OSBP2: variants seen among roughly 807,000 people sequenced by gnomAD.
The protein encoded by OSBP2 is oxysterol-binding protein 2.
Under a neutral mutation model 96.0 loss-of-function variants are expected in OSBP2, and 66 were observed. The ratio of observed to expected loss-of-function variants is 0.69; its 90% confidence interval spans 0.56 to 0.84. The LOEUF (loss-of-function observed/expected upper bound fraction) is 0.84. OSBP2 is among the 40% of genes least tolerant of loss of function. The pLI, the probability that OSBP2 is intolerant of heterozygous loss-of-function variation, is 0.00. For synonymous variants in OSBP2, 525 were observed against 520.9 expected, an observed-to-expected ratio of 1.01 and a Z score of -0.11; for missense variants, 1,038 against 1,222.7, an observed-to-expected ratio of 0.85 and a Z score of 2.25.
intron 1 of OSBP2, among the ~76,000 whole-genome samples, chr22:30,701,973 G>A (rs574075205): frequency 6.6e-6 from 1 of 152,176 alleles, no homozygotes; most frequent in Non-Finnish European, 1.5e-5. Flanking sequence ...GAGGAGCACA[G>A]TGCACACCAA....
At chr22:30,711,739 CAAAAA>C (rs34152986) in intron 1 of OSBP2, among the ~76,000 whole-genome samples, 5 of 91,844 alleles carry the variant, frequency 5.4e-5, no homozygotes, top group Non-Finnish European at 4.2e-5. Flanking sequence ...GACCCTATCT[CAAAAA>C]AAAAAAAAAA....
chr22:30,841,240 G>C (rs1222842120), intron 2 of OSBP2, among the ~76,000 whole-genome samples: 4 of 152,040 alleles, frequency 2.6e-5, no homozygotes, highest in Non-Finnish European at 4.4e-5. Context: ...ACAAGGCTAG[G>C]CAAACCATCG....
intron 2 of OSBP2, among the ~76,000 whole-genome samples, chr22:30,749,756 C>T (rs1242378369): frequency 6.6e-6 from 1 of 152,108 alleles, no homozygotes; most frequent in African/African-American, 2.4e-5. Context: ...TACAGGCATG[C>T]GCCACCATGC....
At chr22:30,885,959 G>A (rs1477073675) in intron 3 of OSBP2, among the ~76,000 whole-genome samples, 1 of 152,230 alleles carries the variant, frequency 6.6e-6, no homozygotes, top group African/African-American at 2.4e-5. Context: ...GGCCAAAGGG[G>A]GCAGTAAGCA....
chr22:30,893,379 G>A, intron 9 of OSBP2, 84 bp from the exon 10 acceptor site: 1 of 1,543,558 alleles, frequency 6.5e-7, no homozygotes, highest in South Asian at 1.1e-5. Context: ...CCCCAGCCTA[G>A]TTCTCAAGAC....
intron 2 of OSBP2, among the ~76,000 whole-genome samples, chr22:30,843,879 T>TA (rs1475543547): frequency 2.0e-5 from 3 of 151,548 alleles, no homozygotes; most frequent in Non-Finnish European, 2.9e-5. Flanking sequence ...AACAATTTTT[T>TA]TTTTTTTTTT....
chr22:30,730,756 CTCTCTCTCTCTCTCTCTCTA>C (rs1569100246), intron 1 of OSBP2, among the ~76,000 whole-genome samples: 42 of 44,888 alleles, frequency 9.4e-4, no homozygotes, highest in South Asian at 4.4e-3. Flanking sequence ...CTCTCTCTCT[CTCTCTCTCTCTCTCTCTCTA>C]TATATATATA....
chr22:30,854,640 GA>G (rs34856752), intron 2 of OSBP2, among the ~76,000 whole-genome samples: 64,610 of 134,710 alleles, frequency 0.48, 16,245 homozygotes, highest in African/African-American at 0.71. Context: ...CATTTAAAGT[GA>G]AAAAAAAAAA....
At chr22:30,898,847 G>A (rs1043726948) in intron 12 of OSBP2, among the ~76,000 whole-genome samples, 3 of 143,734 alleles carry the variant, frequency 2.1e-5, no homozygotes, top group Non-Finnish European at 3.0e-5. Flanking sequence ...AATATGGCAA[G>A]ATATCATCTT....
chr22:30,728,520 A>G (rs138488722), intron 1 of OSBP2, among the ~76,000 whole-genome samples: 1 of 152,188 alleles, frequency 6.6e-6, no homozygotes, highest in Non-Finnish European at 1.5e-5. Context: ...TTGTAGAGAC[A>G]GGGTCTAGCT....
chr22:30,867,133 G>A (rs1259457757), intron 2 of OSBP2, among the ~76,000 whole-genome samples: 1 of 152,178 alleles, frequency 6.6e-6, no homozygotes, highest in African/African-American at 2.4e-5. Context: ...CACCATCAGT[G>A]TGCCTGGGCT....
intron 1 of OSBP2, among the ~76,000 whole-genome samples, chr22:30,711,671 C>T (rs1184705170): frequency 7.0e-6 from 1 of 143,378 alleles, no homozygotes; most frequent in African/African-American, 2.6e-5. Flanking sequence ...GCCTGGGAGG[C>T]AGAAGTTGCA....
intron 2 of OSBP2, among the ~76,000 whole-genome samples, chr22:30,742,510 C>T (rs79509101): frequency 2.6e-5 from 4 of 152,302 alleles, no homozygotes; most frequent in Non-Finnish European, 5.9e-5. Context: ...CCCAGTCACT[C>T]ACCCCATTCT....
At chr22:30,844,540 T>C (rs2038828948) in intron 2 of OSBP2, 3 of 156,514 alleles carry the variant, frequency 1.9e-5, no homozygotes, top group South Asian at 1.9e-4. Context: ...TAGCTTCAGA[T>C]TTTTCTTCTG....
intron 12 of OSBP2, chr22:30,902,259 T>A: frequency 1.3e-6 from 2 of 1,585,172 alleles, no homozygotes; most frequent in Admixed American, 3.4e-5. Flanking sequence ...TTTAATATGG[T>A]TCAGGGCGAC....
chr22:30,903,388 C>T (rs2040257787), intron 12 of OSBP2, among the ~76,000 whole-genome samples: 1 of 152,220 alleles, frequency 6.6e-6, no homozygotes, highest in Non-Finnish European at 1.5e-5. Context: ...AGGGTCCTTT[C>T]CATTCCTATT....
chr22:30,893,257 G>A lies in OSBP2; in HGVS notation c.1990+15G>A, dbSNP rs201315645. ...CATGCCGCTAGGTGAGCTGGGGCCC[G>A]GTGCCTTCCTGGGACACAGAGACAT... On this transcript the variant is annotated intron_variant, in intron 9 of 13. Coordinates refer to ENST00000332585, the MANE Select transcript of OSBP2 (RefSeq NM_030758.4). 214 of 1,613,814 alleles carry A rather than the reference G, an allele frequency of 1.3e-4. 2 individuals carry two copies. The East Asian group carries it at 3.6e-3, about 27-fold the overall frequency.
At chr22:30,882,914 G>C (rs953972041) in intron 3 of OSBP2, among the ~76,000 whole-genome samples, 1 of 152,160 alleles carries the variant, frequency 6.6e-6, no homozygotes, top group Non-Finnish European at 1.5e-5. Context: ...TTTGCTGCTG[G>C]GAAGCCCAGG....
intron 2 of OSBP2, among the ~76,000 whole-genome samples, chr22:30,793,528 G>A (rs770627989): frequency 6.6e-6 from 1 of 152,014 alleles, no homozygotes; most frequent in Non-Finnish European, 1.5e-5. Context: ...ACTCATGCCT[G>A]TAATCCCAAC....
Sources: gnomAD v4.1 joint callset for allele counts (sites outside exome capture counted in the v4.1 genomes callset) on GRCh38, gnomAD v4.1.1 for gene constraint, MANE v1.5 for transcripts, NCBI Gene and HGNC (gene_info 2026-07-23, HGNC 2026-07-21) for gene names.